CCBE1: variants seen among roughly 807,000 people sequenced by gnomAD.
CCBE1 encodes the protein collagen and calcium-binding EGF domain-containing protein 1.
CCBE1 carries 37 observed loss-of-function variants against 50.0 expected under a neutral mutation model. That is an observed-to-expected ratio of 0.74 (90% CI 0.57 to 0.97). The LOEUF is 0.97. Ranked by LOEUF, CCBE1 falls within the 50% of genes least tolerant of loss-of-function variation. The pLI is 0.00. For synonymous variants in CCBE1, 234 were observed against 203.7 expected (o/e 1.15, Z -1.27); for missense variants, 538 against 523.8 (o/e 1.03, Z -0.26).
chr18:59,431,580 G>A lies in CCBE1; in HGVS notation c.*4328C>T, dbSNP rs980875689. 2.6e-5 allele frequency: 4 copies of A among 152,234 alleles called. No homozygotes were observed. Among genetic ancestry groups the A allele is most frequent in the African/African-American group, 9.6e-5 (4 of 41,466 alleles). The allele number at this position is 152,234 out of a possible 1,614,324, so 9.4% of individuals were successfully genotyped here. On this transcript the variant is annotated 3_prime_UTR_variant, in exon 11 of 11. Transcript: ENST00000439986. ...AAAACCTACAGAAATGTCTGGCCTG[G>A]AGAAGCCCTCCCTTGCATACCTGGG...
At chr18:59,505,583 T>G (rs866329985) in intron 2 of CCBE1, among the ~76,000 whole-genome samples, 2 of 152,242 alleles carry the variant, frequency 1.3e-5, no homozygotes, top group Admixed American at 6.5e-5. Context: ...AAAGGGAGAC[T>G]TGGAGAACCA....
At chr18:59,451,464 G>C (rs1343937472) in intron 6 of CCBE1, among the ~76,000 whole-genome samples, 1 of 146,768 alleles carries the variant, frequency 6.8e-6, no homozygotes, top group Non-Finnish European at 1.5e-5. Context: ...AAGGACAGGA[G>C]AGTTGGCTCT....
At chr18:59,479,073 C>G (rs774127169) in intron 3 of CCBE1, among the ~76,000 whole-genome samples, 2 of 152,194 alleles carry the variant, frequency 1.3e-5, no homozygotes, top group Non-Finnish European at 2.9e-5. Context: ...AAATGGTGCT[C>G]TATGAGATAA....
intron 5 of CCBE1, among the ~76,000 whole-genome samples, chr18:59,457,621 A>G (rs1479782358): frequency 1.3e-5 from 2 of 152,214 alleles, no homozygotes; most frequent in Non-Finnish European, 2.9e-5. Flanking sequence ...TGATAATCCC[A>G]GAACCCTAGA....
intron 2 of CCBE1, chr18:59,568,154 G>A (rs1256261022): frequency 6.8e-6 from 1 of 146,104 alleles, no homozygotes; most frequent in South Asian, 2.2e-4. Context: ...AAATTATCTG[G>A]CAGAAATAAG....
In CCBE1 at chr18:59,472,986, G is replaced by GC. The variant is rs578068725; in HGVS notation, c.266-3380dup. The stretch of plus-strand genomic sequence containing the variant: ...ACCATGAGAACAGTATGGGGAAACT[G>GC]CCCCCATGATTCAATTATCTCCACC... On this transcript the variant is annotated intron_variant, in intron 3 of 10. Coordinates refer to ENST00000439986, the MANE Select transcript of CCBE1 (RefSeq NM_133459.4). 1.6e-3 allele frequency among the ~76,000 whole-genome samples: 243 copies of GC among 152,202 alleles called. 7 individuals carry two copies. The South Asian group carries it at 0.018, about 11-fold the overall frequency.
At chr18:59,617,595 C>A (rs1335176802) in intron 2 of CCBE1, among the ~76,000 whole-genome samples, 1 of 152,228 alleles carries the variant, frequency 6.6e-6, no homozygotes, top group Admixed American at 6.5e-5. Context: ...GAGACAAACA[C>A]TGCTTGGGGC....
intron 2 of CCBE1, among the ~76,000 whole-genome samples, chr18:59,567,126 CTTTTT>C (rs562135967): frequency 3.3e-5 from 5 of 150,996 alleles, no homozygotes; most frequent in Non-Finnish European, 5.9e-5. Context: ...CTTTTCTTTT[CTTTTT>C]TTTTGAAATG....
chr18:59,552,178 G>C (rs1915952927), intron 2 of CCBE1, among the ~76,000 whole-genome samples: 1 of 152,190 alleles, frequency 6.6e-6, no homozygotes, highest in Non-Finnish European at 1.5e-5. Context: ...CCAAAAAGTG[G>C]TAAGGCTCTT....
chr18:59,479,232 T>C (rs1287477225), intron 3 of CCBE1, among the ~76,000 whole-genome samples: 2 of 152,184 alleles, frequency 1.3e-5, no homozygotes, highest in Admixed American at 6.5e-5. Flanking sequence ...AAATAGTCTT[T>C]ACTGCTTTCT....
chr18:59,444,867 A>G (rs1436383975), intron 7 of CCBE1, among the ~76,000 whole-genome samples: 1 of 152,066 alleles, frequency 6.6e-6, no homozygotes, highest in East Asian at 1.9e-4. Context: ...AGAAATGTCT[A>G]TTCAAGTCCT....
At chr18:59,596,807 A>G (rs1378121268) in intron 2 of CCBE1, among the ~76,000 whole-genome samples, 1 of 152,194 alleles carries the variant, frequency 6.6e-6, no homozygotes, top group Non-Finnish European at 1.5e-5. Context: ...TGAGGGGGCT[A>G]ATGAGCATCA....
At position 59,479,482 on chromosome 18, in the gene CCBE1, A is replaced by G. The variant is rs140613259; in HGVS notation, c.265+704T>C. Among the ~76,000 whole-genome samples, 280 of 152,344 alleles carry G rather than the reference A, an allele frequency of 1.8e-3. 8 individuals are homozygous for G. The East Asian group carries it at 0.043, about 23-fold the overall frequency. On this transcript the variant is annotated intron_variant, in intron 3 of 10. Transcript: ENST00000439986. ...GCAGCAATAACAGCAGCCACCATTT[A>G]TCAAGCATATAATAAGAAACAGCCT...
intron 4 of CCBE1, among the ~76,000 whole-genome samples, chr18:59,467,690 G>A (rs1049303490): frequency 2.0e-5 from 3 of 152,220 alleles, no homozygotes; most frequent in African/African-American, 7.2e-5. Context: ...TTCACTGGTT[G>A]AAGACAGTGG....
intron 2 of CCBE1, among the ~76,000 whole-genome samples, chr18:59,485,723 G>A (rs533423127): frequency 6.6e-6 from 1 of 152,012 alleles, no homozygotes; most frequent in East Asian, 1.9e-4. Flanking sequence ...CGATTCTCCT[G>A]CATCAGTATC....
chr18:59,448,492 A>G (rs1015809453), intron 6 of CCBE1, among the ~76,000 whole-genome samples: 34 of 152,140 alleles, frequency 2.2e-4, no homozygotes, highest in Admixed American at 3.3e-4. Context: ...CTGTGGCTAC[A>G]GTGGTGACCA....
At chr18:59,614,835 GTC>G (rs2053617366) in intron 2 of CCBE1, among the ~76,000 whole-genome samples, 1 of 152,190 alleles carries the variant, frequency 6.6e-6, no homozygotes, top group Non-Finnish European at 1.5e-5. Flanking sequence ...ACCTACATAC[GTC>G]TGTTTATTTC....
chr18:59,506,891 C>T (rs575479853), intron 2 of CCBE1, among the ~76,000 whole-genome samples: 21 of 152,192 alleles, frequency 1.4e-4, no homozygotes, highest in Non-Finnish European at 2.4e-4. Flanking sequence ...TTAGTCTCCC[C>T]AGATATAGAA....
At chr18:59,647,975 G>C (rs1450023406) in intron 2 of CCBE1, among the ~76,000 whole-genome samples, 1 of 152,108 alleles carries the variant, frequency 6.6e-6, no homozygotes, top group Non-Finnish European at 1.5e-5. Context: ...GTCTTCTCCA[G>C]TCTATCTCAG....
Sources: gnomAD v4.1 joint callset for allele counts (sites outside exome capture counted in the v4.1 genomes callset) on GRCh38, gnomAD v4.1.1 for gene constraint, MANE v1.5 for transcripts, NCBI Gene and HGNC (gene_info 2026-07-23, HGNC 2026-07-21) for gene names.